Variants in CFAP57 observed in about 807,000 individuals in gnomAD.
The protein encoded by CFAP57 is cilia and flagella associated protein 57.
A neutral mutation model predicts 146.8 loss-of-function variants in CFAP57; 116 were observed. That is an observed-to-expected ratio of 0.79 (90% CI 0.68 to 0.92). The LOEUF is 0.92. Among genes scored for constraint, CFAP57 ranks in the 40% least tolerant of loss-of-function variants. CFAP57 has a pLI of 0.00. For missense variants in CFAP57, 1,377 were observed against 1,527.2 expected (o/e 0.90, Z 1.64); for synonymous variants, 518 against 552.8 (o/e 0.94, Z 0.88).
intron 22 of CFAP57, among the ~76,000 whole-genome samples, chr1:43,252,707 A>G (rs1254093257): frequency 6.6e-6 from 1 of 152,224 alleles, no homozygotes; most frequent in African/African-American, 2.4e-5. Context: ...TCATGTCTGA[A>G]AAAATAAAAA....
chr1:43,174,817 A>G (rs1645109419), intron 2 of CFAP57, among the ~76,000 whole-genome samples: 1 of 152,204 alleles, frequency 6.6e-6, no homozygotes, highest in Non-Finnish European at 1.5e-5. Flanking sequence ...CCCTGTCTCA[A>G]AAACAAAAAT....
Position 43,181,575 on chromosome 1 carries a change from C to A in CFAP57, c.199C>A (p.Pro67Thr), listed in dbSNP as rs200345375. 61 of 1,614,076 alleles carry A rather than the reference C, an allele frequency of 3.8e-5. No homozygotes were observed. Among genetic ancestry groups the A allele is most frequent in the Non-Finnish European group, 5.1e-6 (6 of 1,180,050 alleles). ...SQGMLALSIS[P>T]NRRYLAISET... ...GGGCATGTTGGCCTTGTCCATCAGT[C>A]CCAATCGGCGGTACCTCGCTATCTC... Residue 67 changes from proline (P) to threonine (T), a missense_variant, in exon 3 of 23, where the codon CCC becomes ACC. Physicochemically the swap from Pro to Thr is conservative, Grantham distance 38. Coordinates refer to ENST00000372492, the MANE Select transcript of CFAP57 (RefSeq NM_001378189.1).
chr1:43,227,373 A>T (rs1645287871), intron 18 of CFAP57, among the ~76,000 whole-genome samples: 1 of 152,192 alleles, frequency 6.6e-6, no homozygotes, highest in Non-Finnish European at 1.5e-5. Flanking sequence ...CTTTGGCCCT[A>T]CCCGTGCCTC....
At chr1:43,182,325 G>A (rs151125866) in intron 3 of CFAP57, among the ~76,000 whole-genome samples, 48 of 152,232 alleles carry the variant, frequency 3.2e-4, no homozygotes, top group African/African-American at 1.1e-3. Flanking sequence ...ATTGTGTCTC[G>A]AGGGCAAAAG....
intron 22 of CFAP57, among the ~76,000 whole-genome samples, chr1:43,253,469 A>G (rs1646370848): frequency 6.6e-6 from 1 of 152,166 alleles, no homozygotes; most frequent in African/African-American, 2.4e-5. Context: ...GGACACTGCC[A>G]TTGCCCAGGA....
intron 3 of CFAP57, 137 bp downstream of exon 3, chr1:43,181,987 G>A (rs1569846996): frequency 2.0e-6 from 2 of 1,001,170 alleles, no homozygotes; most frequent in Non-Finnish European, 3.0e-6. Flanking sequence ...TATAAGGTAT[G>A]CACAATCATT....
intron 14 of CFAP57, 74 bp downstream of exon 14, chr1:43,221,539 C>G (rs1645043268): frequency 1.0e-6 from 1 of 994,296 alleles, no homozygotes; most frequent in Non-Finnish European, 1.4e-6. Context: ...CAAGAGTCCC[C>G]CAGACACAGT....
chr1:43,185,241 TG>T lies in CFAP57; in HGVS notation c.855del (p.Phe286LeufsTer84). ...SSHSQMSMPQVFAIAAYSKGF... is the reference protein window; with the variant it reads ...SSHSQMSMPQXFAIAAYSKGF... ...CATAGCCAGATGTCCATGCCCCAGGTGTTTGCCATTGCAGCCTATTCAAAGG... is the reference window on the plus strand; with the variant it reads ...CATAGCCAGATGTCCATGCCCCAGGTTTTGCCATTGCAGCCTATTCAAAGG... On this transcript the variant is annotated frameshift_variant, in exon 5 of 23. Coordinates refer to ENST00000372492, the MANE Select transcript of CFAP57 (RefSeq NM_001378189.1). LOFTEE classifies it high-confidence loss of function. 6.2e-7 allele frequency: 1 copy of T among 1,614,122 alleles called. No individual in the cohort carries two copies.
At chr1:43,222,623 G>C (rs1428785094) in intron 15 of CFAP57, among the ~76,000 whole-genome samples, 1 of 152,200 alleles carries the variant, frequency 6.6e-6, no homozygotes, top group South Asian at 2.1e-4. Flanking sequence ...GGTAGGAAAA[G>C]AGGGGAGGCA....
At chr1:43,242,881 C>G (rs1439458607) in intron 21 of CFAP57, among the ~76,000 whole-genome samples, 2 of 151,550 alleles carry the variant, frequency 1.3e-5, no homozygotes, top group Non-Finnish European at 2.9e-5. Flanking sequence ...AATATAATAG[C>G]CATATAATAG....
At chr1:43,239,300 A>T (rs1185070673) in intron 21 of CFAP57, among the ~76,000 whole-genome samples, 1 of 152,196 alleles carries the variant, frequency 6.6e-6, no homozygotes, top group Non-Finnish European at 1.5e-5. Flanking sequence ...GGCCTCAATC[A>T]TACTCCAAAA....
In CFAP57 at chr1:43,172,729, C is replaced by T. The variant is rs772794044; in HGVS notation, c.-19-6C>T. The T allele has an allele frequency of 6.2e-7, 1 of 1,613,618 alleles. No individual in the cohort carries two copies. The highest frequency in any genetic ancestry group is 8.5e-7 in the Non-Finnish European group (1 of 1,179,964). The stretch of plus-strand genomic sequence containing the variant: ...CACTCTGAAGCGCTGCCTTGGTCTT[C>T]AGCAGAACTGTTTGGCGGGAGATCA... On this transcript the variant is annotated splice_polypyrimidine_tract_variant and splice_region_variant and intron_variant, in intron 1 of 22. Transcript: ENST00000372492.
At position 43,254,006 on chromosome 1, in the gene CFAP57, C is replaced by A. The variant is rs1441100885; in HGVS notation, c.3568C>A (p.Pro1190Thr). 1 of 1,550,326 alleles carries A rather than the reference C, an allele frequency of 6.5e-7. No homozygotes were observed. Among genetic ancestry groups the A allele is most frequent in the Non-Finnish European group, 8.7e-7 (1 of 1,146,958 alleles). Residue 1190 changes from proline (P) to threonine (T), a missense_variant, in exon 23 of 23, where the codon CCC (proline) becomes ACC (threonine). Coordinates refer to ENST00000372492, the MANE Select transcript of CFAP57 (RefSeq NM_001378189.1). The stretch of plus-strand genomic sequence containing the variant: ...CAGCAGGGACATGCTCAGCACAGCT[C>A]CCACCGCAAGGTTGAATGAGCAAGA... ...EPSRDMLSTAPTARLNEQEET... is the reference protein window; with the variant it reads ...EPSRDMLSTATTARLNEQEET...
chr1:43,200,495 AAAAGAAAG>A (rs376180757), intron 9 of CFAP57, among the ~76,000 whole-genome samples: 4 of 150,510 alleles, frequency 2.7e-5, no homozygotes, highest in East Asian at 3.9e-4. Context: ...CTGAAAAAAA[AAAAGAAAG>A]AAAGAAAGAA....
chr1:43,185,723 G>A (rs781673867), intron 5 of CFAP57, among the ~76,000 whole-genome samples: 31 of 149,600 alleles, frequency 2.1e-4, no homozygotes, highest in Non-Finnish European at 3.5e-4. Flanking sequence ...TTTGAGACCA[G>A]CCTGGCCAAC....
intron 2 of CFAP57, chr1:43,177,211 G>C (rs1443936998): frequency 2.2e-6 from 1 of 456,380 alleles, no homozygotes; most frequent in South Asian, 1.5e-5. Flanking sequence ...CTGTAATTCA[G>C]GTGAGAGATA....
At chr1:43,211,837 T>A (rs1570125767) in intron 11 of CFAP57, among the ~76,000 whole-genome samples, 1 of 152,162 alleles carries the variant, frequency 6.6e-6, no homozygotes, top group East Asian at 1.9e-4. Flanking sequence ...ATTAGGCATT[T>A]AAATTATCTT....
chr1:43,252,452 G>A (rs2124699208), intron 22 of CFAP57, among the ~76,000 whole-genome samples: 2 of 152,106 alleles, frequency 1.3e-5, no homozygotes, highest in South Asian at 4.2e-4. Flanking sequence ...CCCCACAGTA[G>A]TAGTGTCCCT....
chr1:43,191,714 T>C (rs1318940186), intron 6 of CFAP57, among the ~76,000 whole-genome samples: 1 of 151,972 alleles, frequency 6.6e-6, no homozygotes, highest in Non-Finnish European at 1.5e-5. Context: ...GATTTTTCTC[T>C]ATTGCTTTGC....
Sources: gnomAD v4.1 joint callset for allele counts (sites outside exome capture counted in the v4.1 genomes callset) on GRCh38, gnomAD v4.1.1 for gene constraint, MANE v1.5 for transcripts, NCBI Gene and HGNC (gene_info 2026-07-23, HGNC 2026-07-21) for gene names.